The following RBFOX3 variants were observed in gnomAD, a reference collection of about 807,000 sequenced individuals.
The protein encoded by RBFOX3 is RNA binding fox-1 homolog 3.
In RBFOX3, 17 loss-of-function variants were observed where a neutral mutation model predicts 48.7. The ratio of observed to expected loss-of-function variants is 0.35; its 90% confidence interval spans 0.24 to 0.52. The LOEUF (loss-of-function observed/expected upper bound fraction) is 0.52. Among genes scored for constraint, RBFOX3 ranks in the 20% least tolerant of loss-of-function variants. RBFOX3 has a pLI of 0.94. For synonymous variants in RBFOX3, 212 were observed against 209.5 expected, an observed-to-expected ratio of 1.01 and a Z score of -0.10; for missense variants, 382 against 497.5, an observed-to-expected ratio of 0.77 and a Z score of 2.21.
chr17:79,128,529 G>A (rs957947296), intron 4 of RBFOX3, among the ~76,000 whole-genome samples: 21 of 152,096 alleles, frequency 1.4e-4, no homozygotes, highest in African/African-American at 4.1e-4. Flanking sequence ...TGCTTCCTCC[G>A]CCCAGAAACA....
chr17:79,618,568 C>T, the RBFOX3 span, among the ~76,000 whole-genome samples: 9 of 152,050 alleles, frequency 5.9e-5, no homozygotes, highest in Admixed American at 2.0e-4. Context: ...TGTGCTCAGC[C>T]GAATCTCAGC....
intron 1 of RBFOX3, among the ~76,000 whole-genome samples, chr17:79,491,704 G>C (rs1278644804): frequency 2.6e-5 from 4 of 152,124 alleles, no homozygotes; most frequent in Admixed American, 2.0e-4. Context: ...CAGTGCAGGG[G>C]CCTTCAGCTT....
rs78434729 is a variant in RBFOX3 at position 79,353,005 on chromosome 17, T to C, written c.-174-45181A>G. ...CACAAAGGCGCTTGGAGCATCCACC[T>C]GGAACAGGAGTGAGGATCACACAGG... On this transcript the variant is annotated intron_variant, in intron 2 of 14. Transcript: ENST00000693108. Among the ~76,000 whole-genome samples the C allele has an allele frequency of 8.6e-4, 131 of 152,334 alleles. 3 individuals carry two copies. The East Asian group carries it at 0.024, about 28-fold the overall frequency.
chr17:79,383,676 T>C (rs550109024), intron 2 of RBFOX3, among the ~76,000 whole-genome samples: 34 of 152,258 alleles, frequency 2.2e-4, no homozygotes, highest in African/African-American at 7.2e-4. Context: ...AGGAAAGTAC[T>C]AGAACATGTG....
intron 2 of RBFOX3, among the ~76,000 whole-genome samples, chr17:79,374,435 A>G (rs1462002090): frequency 6.6e-6 from 1 of 152,350 alleles, no homozygotes; most frequent in Non-Finnish European, 1.5e-5. Context: ...ATGCAGAAAC[A>G]GGATCTGCTA....
At chr17:79,509,779 G>C (rs2083831326) in intron 1 of RBFOX3, among the ~76,000 whole-genome samples, 1 of 152,040 alleles carries the variant, frequency 6.6e-6, no homozygotes, top group African/African-American at 2.4e-5. Context: ...GCTGTGCATG[G>C]AGGGAGAAGC....
intron 1 of RBFOX3, among the ~76,000 whole-genome samples, chr17:79,572,969 A>G (rs1371858107): frequency 6.6e-6 from 1 of 151,878 alleles, no homozygotes; most frequent in Non-Finnish European, 1.5e-5. Flanking sequence ...CAATTATAGG[A>G]TAAGTATATC....
intron 2 of RBFOX3, among the ~76,000 whole-genome samples, chr17:79,315,306 C>A (rs1568026827): frequency 6.6e-6 from 1 of 152,226 alleles, no homozygotes; most frequent in Non-Finnish European, 1.5e-5. Flanking sequence ...GGCTCCCCTG[C>A]ATCCTTCTCT....
At chr17:79,569,278 CTCTG>C (rs1287943448) in intron 1 of RBFOX3, among the ~76,000 whole-genome samples, 15 of 152,154 alleles carry the variant, frequency 9.9e-5, no homozygotes, top group African/African-American at 3.1e-4. Context: ...CTCGTCTACC[CTCTG>C]TCTGTATGGA....
intron 2 of RBFOX3, among the ~76,000 whole-genome samples, chr17:79,419,854 C>T (rs1035676859): frequency 7.9e-5 from 12 of 152,258 alleles, no homozygotes; most frequent in East Asian, 1.9e-4. Context: ...GGGCCGGGCG[C>T]GGTGGCTCAT....
intron 2 of RBFOX3, among the ~76,000 whole-genome samples, chr17:79,334,136 C>A (rs145096482): frequency 6.6e-6 from 1 of 152,282 alleles, no homozygotes; most frequent in African/African-American, 2.4e-5. Context: ...CTGTTTCTAC[C>A]ATCCACCCAT....
rs74000058 is a variant in RBFOX3 at position 79,407,527 on chromosome 17, T to C, written c.-175+74927A>G. Among the ~76,000 whole-genome samples the C allele has an allele frequency of 7.6e-3, 1,153 of 152,342 alleles. 16 individuals carry two copies. The highest frequency in any genetic ancestry group is 0.026 in the African/African-American group (1,102 of 41,590). Reference sequence around the variant, plus strand: ...CTTGTCCTGCCTTCTTTCAAGGTAGTATGTAATTTGGCTGGAGAGCAAGAC... The same window carrying C: ...CTTGTCCTGCCTTCTTTCAAGGTAGCATGTAATTTGGCTGGAGAGCAAGAC... On this transcript the variant is annotated intron_variant, in intron 2 of 14. Transcript: ENST00000693108.
At chr17:79,647,114 A>T in the RBFOX3 span, among the ~76,000 whole-genome samples, 4 of 151,276 alleles carry the variant, frequency 2.6e-5, no homozygotes, top group Admixed American at 2.6e-4. Flanking sequence ...GAGTGAGAGG[A>T]CTTCATCTGC....
At chr17:79,218,789 G>T (rs1284391984) in intron 4 of RBFOX3, among the ~76,000 whole-genome samples, 2 of 152,182 alleles carry the variant, frequency 1.3e-5, no homozygotes, top group Non-Finnish European at 2.9e-5. Flanking sequence ...ACACATCAGG[G>T]CATTCTTGGT....
the RBFOX3 span, among the ~76,000 whole-genome samples, chr17:79,659,993 C>T: frequency 6.6e-6 from 1 of 152,044 alleles, no homozygotes; most frequent in Non-Finnish European, 1.5e-5. Flanking sequence ...TCAAGACCAG[C>T]CTGGCCAACA....
intron 4 of RBFOX3, among the ~76,000 whole-genome samples, chr17:79,162,987 T>C (rs1156355340): frequency 6.6e-6 from 1 of 152,124 alleles, no homozygotes; most frequent in African/African-American, 2.4e-5. Flanking sequence ...GACATGCAGC[T>C]CTCGGGTGCT....
At chr17:79,377,340 C>T (rs1050678335) in intron 2 of RBFOX3, among the ~76,000 whole-genome samples, 4 of 152,192 alleles carry the variant, frequency 2.6e-5, no homozygotes, top group African/African-American at 9.7e-5. Context: ...GGCACTCTTA[C>T]ACACAGACAT....
intron 4 of RBFOX3, chr17:79,234,684 A>T (rs2061420562): frequency 7.3e-6 from 1 of 137,128 alleles, no homozygotes; most frequent in South Asian, 2.2e-4. Flanking sequence ...GAATTTTTCA[A>T]CTTTATGTTT....
At chr17:79,638,916 ATC>A in the RBFOX3 span, among the ~76,000 whole-genome samples, 4 of 152,192 alleles carry the variant, frequency 2.6e-5, no homozygotes, top group Non-Finnish European at 5.9e-5. Flanking sequence ...AGCCAAATAA[ATC>A]TCTTTTCTTT....
Sources: allele counts gnomAD v4.1 joint callset (sites outside exome capture counted in the v4.1 genomes callset), GRCh38; gene constraint gnomAD v4.1.1; transcripts MANE v1.5; gene names NCBI Gene and HGNC (gene_info 2026-07-23, HGNC 2026-07-21).